The following PCDH15 variants were observed in gnomAD, a reference collection of about 807,000 sequenced individuals.
PCDH15 encodes protocadherin related 15.
A neutral mutation model predicts 178.5 loss-of-function variants in PCDH15; 129 were observed. The observed-to-expected ratio is 0.72, with a 90% CI of 0.63 to 0.84. The LOEUF (loss-of-function observed/expected upper bound fraction) is 0.84, where lower values mean the gene tolerates loss of function less well. Ranked by LOEUF, PCDH15 falls within the 40% of genes least tolerant of loss-of-function variation. The pLI, the probability that PCDH15 is intolerant of heterozygous loss-of-function variation, is 0.00. For synonymous variants in PCDH15, 800 were observed against 732.0 expected, an observed-to-expected ratio of 1.09 and a Z score of -1.50; for missense variants, 2,230 against 2,099.9, an observed-to-expected ratio of 1.06 and a Z score of -1.21.
chr10:53,937,433 A>T (rs1441556960), intron 25 of PCDH15, among the ~76,000 whole-genome samples: 6 of 152,206 alleles, frequency 3.9e-5, no homozygotes. Context: ...TATCCAATTC[A>T]GTTTACAATT....
intron 18 of PCDH15, among the ~76,000 whole-genome samples, chr10:54,048,411 C>A (rs1257285977): frequency 6.6e-6 from 1 of 152,150 alleles, no homozygotes; most frequent in Non-Finnish European, 1.5e-5. Flanking sequence ...TTAATTACGT[C>A]CCACTTATCA....
chr10:55,147,079 G>C (rs1343252268), intron 2 of PCDH15, among the ~76,000 whole-genome samples: 2 of 151,402 alleles, frequency 1.3e-5, no homozygotes, highest in Non-Finnish European at 3.0e-5. Flanking sequence ...GTTGTTATTA[G>C]AAAATAAATT....
rs763704132 is a variant in PCDH15 at position 54,774,007 on chromosome 10, C to CTTTTT, written c.-29+26913_-29+26917dup. Among the ~76,000 whole-genome samples the CTTTTT allele has an allele frequency of 1.8e-3, 133 of 75,384 alleles. 22 individuals are homozygous for CTTTTT. The highest frequency in any genetic ancestry group is 2.1e-3 in the Non-Finnish European group (84 of 39,282). The allele number at this position is 75,384 out of a possible 152,430, so 49.5% of individuals were successfully genotyped here. A position where few individuals can be genotyped will look rare whatever the true frequency, so the allele number is the denominator to read the frequency against. On this transcript the variant is annotated intron_variant, in intron 1 of 37. Coordinates refer to ENST00000644397, the MANE Select transcript of PCDH15 (RefSeq NM_001384140.1). ...TAGATGAACTGGCATACTTCATAGG[C>CTTTTT]TTTTTTTTTTTTTTTTTTTTTTTTT...
At chr10:55,591,811 T>A (rs1842847506) in intron 2 of PCDH15, among the ~76,000 whole-genome samples, 1 of 152,094 alleles carries the variant, frequency 6.6e-6, no homozygotes, top group African/African-American at 2.4e-5. Context: ...TAAAAAGCAA[T>A]GCATGTATAC....
intron 2 of PCDH15, among the ~76,000 whole-genome samples, chr10:55,121,006 C>G (rs190652420): frequency 6.6e-6 from 1 of 152,092 alleles, no homozygotes; most frequent in African/African-American, 2.4e-5. Context: ...TGCAGTGCTG[C>G]CCTTGAGAAC....
intron 1 of PCDH15, 132 bp downstream of exon 1, chr10:54,800,793 C>A (rs1470464976): frequency 6.6e-6 from 1 of 152,142 alleles, no homozygotes; most frequent in Non-Finnish European, 1.5e-5. Flanking sequence ...CTACTCTATT[C>A]TTTCAACAAG....
intron 26 of PCDH15, among the ~76,000 whole-genome samples, chr10:53,884,885 T>C (rs2080980669): frequency 6.6e-6 from 1 of 152,166 alleles, no homozygotes; most frequent in South Asian, 2.1e-4. Flanking sequence ...TTTTCATTTC[T>C]CATTAGTTAC....
chr10:53,970,064 C>A (rs1282924740), intron 21 of PCDH15, among the ~76,000 whole-genome samples: 1 of 152,094 alleles, frequency 6.6e-6, no homozygotes, highest in Non-Finnish European at 1.5e-5. Context: ...CACAGACTGG[C>A]AAACTGGATA....
intron 18 of PCDH15, among the ~76,000 whole-genome samples, chr10:54,030,454 C>T (rs2093260918): frequency 6.7e-6 from 1 of 149,432 alleles, no homozygotes. Context: ...TTTAAAGACT[C>T]ATAATGCAGG....
chr10:54,348,505 T>G (rs1943674057), intron 5 of PCDH15, among the ~76,000 whole-genome samples: 1 of 152,216 alleles, frequency 6.6e-6, no homozygotes, highest in Non-Finnish European at 1.5e-5. Context: ...GCAAAAGACA[T>G]CCTTATCTTT....
At chr10:54,445,073 C>T (rs1177992558) in intron 3 of PCDH15, among the ~76,000 whole-genome samples, 4 of 151,100 alleles carry the variant, frequency 2.6e-5, no homozygotes, top group Non-Finnish European at 5.9e-5. Flanking sequence ...ACTGCTTGTC[C>T]TGGGTTCCAT....
chr10:54,390,033 G>C (rs1950362449), intron 3 of PCDH15, among the ~76,000 whole-genome samples: 1 of 152,164 alleles, frequency 6.6e-6, no homozygotes, highest in Non-Finnish European at 1.5e-5. Flanking sequence ...TAAAAGTTCA[G>C]ACATTTTGAC....
chr10:54,153,706 C>T (rs564097557), intron 13 of PCDH15, among the ~76,000 whole-genome samples: 1 of 152,244 alleles, frequency 6.6e-6, no homozygotes, highest in East Asian at 1.9e-4. Context: ...ATGAAATAGG[C>T]ATAGTCGGCC....
intron 3 of PCDH15, among the ~76,000 whole-genome samples, chr10:54,438,367 T>C (rs1379833501): frequency 6.6e-6 from 1 of 151,422 alleles, no homozygotes; most frequent in Non-Finnish European, 1.5e-5. Context: ...ATTTGTAAGT[T>C]CTTTGTAACT....
Position 53,981,879 on chromosome 10 carries a change from G to T in PCDH15, c.2868+13770C>A, listed in dbSNP as rs2090673932. On this transcript the variant is annotated intron_variant, in intron 21 of 37. Transcript: ENST00000644397. ...AAAGAAACTACCATCAGAGTGAACA[G>T]GCAACCTACAAAATGGGAGAAAATT... Among the ~76,000 whole-genome samples, 3 of 150,042 alleles carry T rather than the reference G, an allele frequency of 2.0e-5. No homozygotes were observed. In the South Asian group the frequency reaches 6.3e-4, roughly 31 times the overall value.
intron 2 of PCDH15, among the ~76,000 whole-genome samples, chr10:55,147,591 C>T (rs2799602): frequency 0.53 from 79,230 of 149,910 alleles, 21,393 homozygotes; most frequent in South Asian, 0.64. Flanking sequence ...TTTCTTTCCT[C>T]CTTATGTCTC....
intron 2 of PCDH15, among the ~76,000 whole-genome samples, chr10:55,465,491 A>C (rs1053834548): frequency 6.6e-6 from 1 of 152,266 alleles, no homozygotes; most frequent in South Asian, 2.1e-4. Flanking sequence ...AAATGTACCA[A>C]TGCCAGCCCC....
At chr10:55,353,300 AATATAGAT>A (rs1164716855) in intron 2 of PCDH15, among the ~76,000 whole-genome samples, 1 of 152,136 alleles carries the variant, frequency 6.6e-6, no homozygotes, top group African/African-American at 2.4e-5. Flanking sequence ...TATTTTGATT[AATATAGAT>A]GTGTTTGAGC....
intron 8 of PCDH15, among the ~76,000 whole-genome samples, chr10:54,300,434 A>G (rs1160811471): frequency 6.6e-6 from 1 of 152,174 alleles, no homozygotes; most frequent in East Asian, 1.9e-4. Context: ...AATGAACTCA[A>G]CTAACAACTT....
Sources: gnomAD v4.1 joint callset for allele counts (sites outside exome capture counted in the v4.1 genomes callset) on GRCh38, gnomAD v4.1.1 for gene constraint, MANE v1.5 for transcripts, NCBI Gene and HGNC (gene_info 2026-07-23, HGNC 2026-07-21) for gene names.